Variants in ADCY10 observed in about 807,000 individuals in gnomAD.
ADCY10 encodes adenylate cyclase 10.
In ADCY10, 156 loss-of-function variants were observed where a neutral mutation model predicts 183.3. That is an observed-to-expected ratio of 0.85 (90% CI 0.75 to 0.97). The LOEUF (loss-of-function observed/expected upper bound fraction) is 0.97. Ranked by LOEUF, ADCY10 falls within the 50% of genes least tolerant of loss-of-function variation. The pLI, the probability that ADCY10 is intolerant of heterozygous loss-of-function variation, is 0.00. For synonymous variants in ADCY10, 645 were observed against 670.0 expected (o/e 0.96, Z 0.58); for missense variants, 1,745 against 1,934.3 (o/e 0.90, Z 1.84).
intron 19 of ADCY10, among the ~76,000 whole-genome samples, chr1:167,846,679 C>T (rs1004142819): frequency 6.6e-6 from 1 of 152,170 alleles, no homozygotes; most frequent in East Asian, 1.9e-4. Context: ...CCCCTTTCTC[C>T]TAGAAACTCC....
intron 19 of ADCY10, among the ~76,000 whole-genome samples, chr1:167,847,477 G>A (rs190293441): frequency 4.1e-5 from 6 of 147,430 alleles, no homozygotes; most frequent in East Asian, 2.0e-4. Flanking sequence ...GTGCAATGGC[G>A]TGATCTCGGC....
At position 167,822,054 on chromosome 1, in the gene ADCY10, A is replaced by G. The variant is rs1035911834; in HGVS notation, c.4256T>C (p.Leu1419Pro). 6.2e-7 allele frequency: 1 copy of G among 1,600,850 alleles called. No individual in the cohort carries two copies. Among genetic ancestry groups the G allele is most frequent in the Non-Finnish European group, 8.6e-7 (1 of 1,167,948 alleles). Residue 1419 changes from leucine (L) to proline (P), a missense_variant, in exon 30 of 33, where the codon CTC becomes CCC. Leu to Pro is a moderately conservative substitution (Grantham distance 98). Coordinates refer to ENST00000367851, the MANE Select transcript of ADCY10 (RefSeq NM_018417.6). ...NRILKFHSGL[L>P]LGLYSSVAIW... ...AGCTACAGAGGAATAAAGTCCCAGG[A>G]GGAGTCCACTGTGGAACTTGAGGAT...
intron 14 of ADCY10, 122 bp downstream of exon 14, chr1:167,870,135 T>C (rs550558609): frequency 9.2e-5 from 101 of 1,103,240 alleles, no homozygotes; most frequent in Non-Finnish European, 1.3e-4. Flanking sequence ...ACAAGGGTCA[T>C]GGCATCCAAT....
chr1:167,859,912 G>A lies in ADCY10; in HGVS notation c.1810-19C>T. On this transcript the variant is annotated intron_variant, in intron 15 of 32. Transcript: ENST00000367851. ...TAGGGAACTGTACAAAGAATTATGA[G>A]AATATTGAGTATGGGAAAATAGCAA... The A allele has an allele frequency of 6.4e-7, 1 of 1,574,354 alleles. No homozygotes were observed. The highest frequency in any genetic ancestry group is 8.7e-7 in the Non-Finnish European group (1 of 1,143,996).
At chr1:167,829,446 A>G in intron 25 of ADCY10, 23 bp from the exon 26 acceptor site, 1 of 1,613,902 alleles carries the variant, frequency 6.2e-7, no homozygotes, top group Non-Finnish European at 8.5e-7. Flanking sequence ...GTAAACACAA[A>G]TGGAACATGA....
intron 19 of ADCY10, among the ~76,000 whole-genome samples, chr1:167,847,128 T>C (rs1461527013): frequency 6.6e-6 from 1 of 151,922 alleles, no homozygotes; most frequent in African/African-American, 2.4e-5. Flanking sequence ...GATTTCACCA[T>C]GTTGACCAGG....
chr1:167,875,087 T>A (rs1490895022), intron 13 of ADCY10, 44 bp downstream of exon 13: 12 of 1,511,804 alleles, frequency 7.9e-6, no homozygotes, highest in Admixed American at 1.7e-5. Flanking sequence ...GCATGTTTTG[T>A]TTTAGTTCAA....
chr1:167,844,739 G>A (rs193283126), intron 21 of ADCY10, among the ~76,000 whole-genome samples: 6 of 152,302 alleles, frequency 3.9e-5, no homozygotes, highest in African/African-American at 1.2e-4. Context: ...CACCTGCTAT[G>A]TACTAGGCAG....
At chr1:167,862,736 T>C (rs1405392190) in intron 14 of ADCY10, among the ~76,000 whole-genome samples, 2 of 152,364 alleles carry the variant, frequency 1.3e-5, no homozygotes, top group Admixed American at 6.5e-5. Flanking sequence ...AAAGATATTT[T>C]AAAACTGGCC....
intron 26 of ADCY10, 49 bp from the exon 27 acceptor site, chr1:167,824,904 G>A: frequency 6.5e-7 from 1 of 1,532,628 alleles, no homozygotes; most frequent in Non-Finnish European, 9.0e-7. Context: ...AAAGCAGAAA[G>A]CTCAGGAACA....
At chr1:167,855,516 C>T (rs1385478088) in intron 17 of ADCY10, among the ~76,000 whole-genome samples, 4 of 152,160 alleles carry the variant, frequency 2.6e-5, no homozygotes, top group South Asian at 2.1e-4. Flanking sequence ...TGGTCTTTAA[C>T]GCTTACCAGT....
intron 30 of ADCY10, 149 bp from the exon 31 acceptor site, chr1:167,818,416 A>G: frequency 1.3e-6 from 1 of 783,254 alleles, no homozygotes; most frequent in Non-Finnish European, 2.3e-6. Flanking sequence ...ACACTCCCTA[A>G]AAAAGCAGGA....
At chr1:167,854,874 G>T (rs12032641) in intron 17 of ADCY10, among the ~76,000 whole-genome samples, 8,464 of 152,222 alleles carry the variant, frequency 0.056, 490 homozygotes, top group East Asian at 0.33. Flanking sequence ...AAGAATGAGT[G>T]CCAAATTGGT....
chr1:167,905,876 T>G (rs1359292697), intron 1 of ADCY10, among the ~76,000 whole-genome samples: 3 of 152,236 alleles, frequency 2.0e-5, no homozygotes, highest in Admixed American at 1.3e-4. Context: ...TTCCTGTAGC[T>G]GCTGGGGCAG....
chr1:167,850,484 G>T (rs1002074220), intron 18 of ADCY10, among the ~76,000 whole-genome samples: 8 of 152,082 alleles, frequency 5.3e-5, no homozygotes, highest in Non-Finnish European at 1.0e-4. Context: ...GGAGAGAGTT[G>T]TTTCCAATTC....
intron 18 of ADCY10, among the ~76,000 whole-genome samples, chr1:167,850,045 C>T (rs767805836): frequency 5.3e-5 from 8 of 152,076 alleles, no homozygotes; most frequent in Non-Finnish European, 1.0e-4. Flanking sequence ...GGAAAGGTCA[C>T]AGATTTCTGA....
chr1:167,893,296 C>T (rs181756678), intron 8 of ADCY10, among the ~76,000 whole-genome samples: 2 of 152,242 alleles, frequency 1.3e-5, no homozygotes, highest in Non-Finnish European at 2.9e-5. Flanking sequence ...CTCCCATTTG[C>T]GCAATTATAT....
intron 3 of ADCY10, among the ~76,000 whole-genome samples, chr1:167,902,913 C>T (rs1387347048): frequency 3.3e-5 from 5 of 152,198 alleles, no homozygotes; most frequent in African/African-American, 1.2e-4. Context: ...ACTCATACAA[C>T]AATCTCTTAA....
chr1:167,850,432 A>G (rs1038797558), intron 18 of ADCY10, among the ~76,000 whole-genome samples: 1 of 152,186 alleles, frequency 6.6e-6, no homozygotes, highest in African/African-American at 2.4e-5. Flanking sequence ...GGTTCGACAC[A>G]CACGAAGGCT....
Sources: allele counts gnomAD v4.1 joint callset (sites outside exome capture counted in the v4.1 genomes callset), GRCh38; gene constraint gnomAD v4.1.1; transcripts MANE v1.5; gene names NCBI Gene and HGNC (gene_info 2026-07-23, HGNC 2026-07-21).